PCNT: variants seen among roughly 807,000 people sequenced by gnomAD.
PCNT encodes pericentrin.
In PCNT, 319 loss-of-function variants were observed where a neutral mutation model predicts 380.4. The ratio of observed to expected loss-of-function variants is 0.84; its 90% CI spans 0.77 to 0.92. The LOEUF (loss-of-function observed/expected upper bound fraction) is 0.92, where lower values mean the gene tolerates loss of function less well. Ranked by LOEUF, PCNT falls within the 40% of genes least tolerant of loss-of-function variation. The pLI is 0.00. For synonymous variants in PCNT, 1,845 were observed against 1,735.2 expected, an observed-to-expected ratio of 1.06 and a Z score of -1.57; for missense variants, 4,400 against 4,255.3, an observed-to-expected ratio of 1.03 and a Z score of -0.95.
rs1243580890 is a variant in PCNT at position 46,385,901 on chromosome 21, C to T, written c.3382C>T (p.Gln1128Ter). The change falls in exon 17 of 47, where the codon CAG (glutamine) becomes TAG (stop). Residue 1128 changes from glutamine to a stop codon, truncating the protein, a stop_gained. Coordinates refer to ENST00000359568, the MANE Select transcript of PCNT (RefSeq NM_006031.6). LOFTEE classifies it high-confidence loss of function. ...CCGCTCCGAGTTGGAGGTGCTGCAG[C>T]AGAGGCGGGAGCGGGAGAACCGGGA... ...ECRSELEVLQQRRERENREGA... is the reference protein window; with the variant it reads ...ECRSELEVLQ The T allele has an allele frequency of 2.5e-6, 4 of 1,614,118 alleles. No homozygotes were observed. The highest frequency in any genetic ancestry group is 3.4e-6 in the Non-Finnish European group (4 of 1,180,038).
At chr21:46,359,529 G>A (rs1372340668) in intron 13 of PCNT, among the ~76,000 whole-genome samples, 8 of 94,288 alleles carry the variant, frequency 8.5e-5, no homozygotes, top group Non-Finnish European at 1.4e-4. Context: ...TCACTCTATC[G>A]CCAGGGTGGA....
At chr21:46,440,742 T>A in intron 42 of PCNT, 113 bp from the exon 43 acceptor site, 1 of 756,212 alleles carries the variant, frequency 1.3e-6, no homozygotes, top group Non-Finnish European at 2.3e-6. Context: ...TGTGATGATT[T>A]GATGGGAAAA....
At position 46,326,506 on chromosome 21, in the gene PCNT, G is replaced by C; in HGVS notation, c.184G>C (p.Ala62Pro). Residue 62 changes from alanine (A) to proline (P), a missense_variant, in exon 2 of 47, where the codon GCA becomes CCA. Coordinates refer to ENST00000359568, the MANE Select transcript of PCNT (RefSeq NM_006031.6). Reference sequence around the variant, plus strand: ...GAGTCCGGTAACCAAGGAGGACAGCGCACTCTGTGGAGGAGGGGACATTTG... The same window carrying C: ...GAGTCCGGTAACCAAGGAGGACAGCCCACTCTGTGGAGGAGGGGACATTTG... Reference protein sequence around the residue: ...EESPVTKEDSALCGGGDICKS... With the variant: ...EESPVTKEDSPLCGGGDICKS... 1.2e-6 allele frequency: 2 copies of C among 1,614,194 alleles called. No individual in the cohort carries two copies. Among genetic ancestry groups the C allele is most frequent in the Non-Finnish European group, 1.7e-6 (2 of 1,180,018 alleles).
intron 13 of PCNT, among the ~76,000 whole-genome samples, chr21:46,359,144 G>C (rs1421187082): frequency 1.3e-5 from 2 of 151,936 alleles, no homozygotes; most frequent in Non-Finnish European, 2.9e-5. Context: ...GTAGAGACAG[G>C]GTTTCACCAT....
intron 10 of PCNT, among the ~76,000 whole-genome samples, 198 bp downstream of exon 10, chr21:46,353,524 T>C (rs1033032398): frequency 3.3e-5 from 5 of 151,850 alleles, no homozygotes; most frequent in African/African-American, 9.7e-5. Flanking sequence ...TGCGAGCCAT[T>C]GGTGGCCACA....
At chr21:46,345,988 C>T (rs1274645840) in intron 3 of PCNT, 140 bp from the exon 4 acceptor site, 3 of 794,658 alleles carry the variant, frequency 3.8e-6, no homozygotes, top group Admixed American at 3.9e-5. Flanking sequence ...GTTGCTCCCA[C>T]CTTCTGGCCG....
intron 15 of PCNT, 36 bp from the exon 16 acceptor site, chr21:46,381,658 C>T (rs745839760): frequency 6.3e-7 from 1 of 1,591,760 alleles, no homozygotes; most frequent in Admixed American, 1.7e-5. Flanking sequence ...ATTTTTCTAG[C>T]TTACTGGTAT....
At chr21:46,428,918 C>A (rs1233462557) in intron 35 of PCNT, among the ~76,000 whole-genome samples, 1 of 145,896 alleles carries the variant, frequency 6.9e-6, no homozygotes, top group African/African-American at 2.8e-5. Flanking sequence ...TTAGCTTCTT[C>A]GGGAGTTTTT....
At position 46,366,876 on chromosome 21, in the gene PCNT, C is replaced by T; in HGVS notation, c.2902C>T (p.Leu968Phe). Reference protein sequence around the residue: ...GALETRHLSSLDSLESCYLSE... With the variant: ...GALETRHLSSFDSLESCYLSE... ...TCTGGAGACCAGACATCTGTCCAGC[C>T]TTGATTCTTTGGAATCCTGTTACCT... The change falls in exon 15 of 47, where the codon CTT (leucine) becomes TTT (phenylalanine). Residue 968 changes from leucine to phenylalanine, a missense_variant. Coordinates refer to ENST00000359568, the MANE Select transcript of PCNT (RefSeq NM_006031.6). The T allele has an allele frequency of 1.2e-6, 2 of 1,614,188 alleles. No individual in the cohort carries two copies. The highest frequency in any genetic ancestry group is 2.2e-5 in the East Asian group (1 of 44,874).
intron 2 of PCNT, among the ~76,000 whole-genome samples, chr21:46,328,323 C>T (rs528602428): frequency 2.7e-4 from 40 of 148,890 alleles, no homozygotes; most frequent in South Asian, 8.5e-4. Flanking sequence ...AGCGCAGTGA[C>T]GCGAACTCTG....
chr21:46,357,989 C>T (rs1234603311), intron 13 of PCNT, among the ~76,000 whole-genome samples: 1 of 152,272 alleles, frequency 6.6e-6, no homozygotes, highest in African/African-American at 2.4e-5. Flanking sequence ...GCAGCCTCCA[C>T]ATGGCCCGAT....
At chr21:46,377,554 T>G (rs897436848) in intron 15 of PCNT, among the ~76,000 whole-genome samples, 1 of 152,210 alleles carries the variant, frequency 6.6e-6, no homozygotes, top group African/African-American at 2.4e-5. Context: ...TGAGAAAAGT[T>G]TATTCTAAAA....
At chr21:46,432,330 C>G (rs1156481064) in intron 38 of PCNT, 115 bp downstream of exon 38, 2 of 1,012,744 alleles carry the variant, frequency 2.0e-6, no homozygotes, top group East Asian at 2.6e-5. Flanking sequence ...CTGGTCTGCT[C>G]TGGTCTGTGT....
Position 46,382,475 on chromosome 21 carries a change from A to G in PCNT, c.3312+635A>G, listed in dbSNP as rs543596822. ...AGCGCATTCACCATGTTGTATATTC[A>G]GTGACGGAAGCGCATTCACGGTGTT... On this transcript the variant is annotated intron_variant, in intron 16 of 46. Coordinates refer to ENST00000359568, the MANE Select transcript of PCNT (RefSeq NM_006031.6). Among the ~76,000 whole-genome samples, 5 of 145,560 alleles carry G rather than the reference A, an allele frequency of 3.4e-5. No homozygotes were observed. In the South Asian group the frequency reaches 9.3e-4, roughly 27 times the overall value.
intron 32 of PCNT, among the ~76,000 whole-genome samples, chr21:46,423,962 C>T (rs1196292187): frequency 6.6e-6 from 1 of 152,114 alleles, no homozygotes; most frequent in Non-Finnish European, 1.5e-5. Flanking sequence ...CTGTTTCAAA[C>T]TCAGGGTTTT....
intron 2 of PCNT, 120 bp from the exon 3 acceptor site, chr21:46,334,277 G>A: frequency 1.5e-6 from 2 of 1,346,904 alleles, no homozygotes; most frequent in Non-Finnish European, 2.1e-6. Flanking sequence ...ACAGGTGGAA[G>A]TGAGCTCTAC....
chr21:46,444,656 T>C, intron 45 of PCNT, 38 bp from the exon 46 acceptor site: 1 of 1,598,092 alleles, frequency 6.3e-7, no homozygotes, highest in South Asian at 1.1e-5. Flanking sequence ...TCTTTTTTTT[T>C]TTTTTTTTCT....
chr21:46,408,557 C>T (rs186382416), intron 27 of PCNT, among the ~76,000 whole-genome samples: 8 of 152,250 alleles, frequency 5.3e-5, no homozygotes, highest in Admixed American at 5.2e-4. Context: ...TTCTCATCAA[C>T]ATTTGGTAAG....
At chr21:46,342,609 C>T (rs930475425) in intron 3 of PCNT, among the ~76,000 whole-genome samples, 6 of 150,044 alleles carry the variant, frequency 4.0e-5, no homozygotes, top group Non-Finnish European at 8.9e-5. Context: ...GGCATGATCT[C>T]GGCTCACTGC....
Sources: allele counts gnomAD v4.1 joint callset (sites outside exome capture counted in the v4.1 genomes callset), GRCh38; gene constraint gnomAD v4.1.1; transcripts MANE v1.5; gene names NCBI Gene and HGNC (gene_info 2026-07-23, HGNC 2026-07-21).